The following ZNF608 variants were observed in gnomAD, a reference collection of about 807,000 sequenced individuals.
ZNF608 encodes the protein renal carcinoma antigen NY-REN-36.
In ZNF608, 12 loss-of-function variants were observed where a neutral mutation model predicts 109.0. The observed-to-expected ratio is 0.11, with a 90% CI of 0.07 to 0.18. The LOEUF (loss-of-function observed/expected upper bound fraction) is 0.18, where lower values mean the gene tolerates loss of function less well. ZNF608 is among the 10% of genes least tolerant of loss of function. The probability of loss-of-function intolerance (pLI) is 1.00; values close to 1 mark genes in which losing one functional copy is unlikely to be tolerated. For missense variants in ZNF608, 1,707 were observed against 1,879.3 expected (o/e 0.91, Z 1.70); for synonymous variants, 732 against 717.4 (o/e 1.02, Z -0.33).
rs1580732009 is a variant in ZNF608 at position 124,745,051 on chromosome 5, T to G, written c.-62A>C. The G allele has an allele frequency of 2.0e-6, 3 of 1,528,948 alleles. No individual in the cohort carries two copies. The East Asian group carries it at 6.8e-5, about 35-fold the overall frequency. The allele number at this position is 1,528,948 out of a possible 1,614,324, so 94.7% of individuals were successfully genotyped here. ...ACTTTTCTTTGGAGATGAGGGGACA[T>G]TCGTTTATCTCCGCTGGGCTTTCTC... On this transcript the variant is annotated 5_prime_UTR_variant, in exon 2 of 10. It removes an upstream start codon present in the reference 5' UTR. Coordinates refer to ENST00000513986, the MANE Select transcript of ZNF608 (RefSeq NM_020747.3).
intron 3 of ZNF608, among the ~76,000 whole-genome samples, chr5:124,676,593 C>T (rs1009061823): frequency 5.3e-5 from 8 of 152,046 alleles, no homozygotes; most frequent in African/African-American, 1.9e-4. Context: ...AAAAAATAGC[C>T]GCACACTATT....
intron 3 of ZNF608, among the ~76,000 whole-genome samples, chr5:124,661,152 G>C (rs1400567044): frequency 6.6e-6 from 1 of 152,150 alleles, no homozygotes; most frequent in Non-Finnish European, 1.5e-5. Context: ...CAATAGTAAA[G>C]GCAACTGAGA....
At chr5:124,685,123 G>A (rs576472774) in intron 3 of ZNF608, among the ~76,000 whole-genome samples, 6 of 150,762 alleles carry the variant, frequency 4.0e-5, no homozygotes, top group African/African-American at 1.5e-4. Flanking sequence ...ACATGCTTTT[G>A]AAGTCACACA....
chr5:124,706,801 A>G (rs1014664094), intron 2 of ZNF608, among the ~76,000 whole-genome samples: 1 of 152,220 alleles, frequency 6.6e-6, no homozygotes, highest in African/African-American at 2.4e-5. Context: ...GTTAATGTCA[A>G]GAACAGACGC....
At chr5:124,705,438 G>A (rs965425086) in intron 2 of ZNF608, among the ~76,000 whole-genome samples, 19 of 152,098 alleles carry the variant, frequency 1.2e-4, no homozygotes, top group Admixed American at 5.9e-4. Flanking sequence ...CCCCACAAGC[G>A]TTGCAGTGAA....
chr5:124,748,509 G>C, upstream of ZNF608: 1 of 984,248 alleles, frequency 1.0e-6, no homozygotes, highest in Non-Finnish European at 1.2e-6. Context: ...GCTATATAGA[G>C]ACACACCACG....
chr5:124,699,093 C>A (rs1004778556), intron 3 of ZNF608, among the ~76,000 whole-genome samples: 8 of 152,176 alleles, frequency 5.3e-5, no homozygotes, highest in African/African-American at 1.9e-4. Context: ...AGGGAAATTA[C>A]CCTTACACTT....
chr5:124,688,598 T>C (rs1219051209), intron 3 of ZNF608, among the ~76,000 whole-genome samples: 1 of 152,230 alleles, frequency 6.6e-6, no homozygotes, highest in African/African-American at 2.4e-5. Flanking sequence ...TAGAAATGTT[T>C]GTATACTTCA....
chr5:124,736,326 C>T (rs1161471193), intron 2 of ZNF608, among the ~76,000 whole-genome samples: 1 of 152,232 alleles, frequency 6.6e-6, no homozygotes, highest in Admixed American at 6.5e-5. Context: ...AAACCCAAGG[C>T]TTCAACCCTT....
chr5:124,647,976 G>C lies in ZNF608; in HGVS notation c.2408C>G (p.Pro803Arg). 6.2e-7 allele frequency: 1 copy of C among 1,614,184 alleles called. No homozygotes were observed. The highest frequency in any genetic ancestry group is 8.5e-7 in the Non-Finnish European group (1 of 1,180,036). Reference sequence around the variant, plus strand: ...TTTGTCTTTGAGTGACACCAGAGCTGGGTTCACGGTGATGGGCTCTCCCAT... The same window carrying C: ...TTTGTCTTTGAGTGACACCAGAGCTCGGTTCACGGTGATGGGCTCTCCCAT... ...TIMGEPITVN[P>R]ALVSLKDKKK... Residue 803 changes from proline to arginine, a missense_variant, in exon 5 of 10, where the codon CCA (proline) becomes CGA (arginine). Coordinates refer to ENST00000513986, the MANE Select transcript of ZNF608 (RefSeq NM_020747.3).
chr5:124,638,143 T>A (rs74440455), intron 9 of ZNF608, among the ~76,000 whole-genome samples: 3,692 of 151,164 alleles, frequency 0.024, 150 homozygotes, highest in African/African-American at 0.085. Flanking sequence ...AGAGAGGGGG[T>A]TTCTCCATGT....
chr5:124,721,067 TTC>T (rs1377181053), intron 2 of ZNF608, among the ~76,000 whole-genome samples: 2 of 152,198 alleles, frequency 1.3e-5, no homozygotes, highest in African/African-American at 4.8e-5. Context: ...CAGTTTGTTA[TTC>T]TGAGAGCATG....
chr5:124,686,846 G>C (rs1752431547), intron 3 of ZNF608, among the ~76,000 whole-genome samples: 1 of 152,214 alleles, frequency 6.6e-6, no homozygotes, highest in Non-Finnish European at 1.5e-5. Context: ...AGAGCTGGCA[G>C]GATCAAAACT....
At chr5:124,710,958 G>C (rs1200639567) in intron 2 of ZNF608, among the ~76,000 whole-genome samples, 1 of 152,180 alleles carries the variant, frequency 6.6e-6, no homozygotes, top group Non-Finnish European at 1.5e-5. Context: ...CTAGAGAAAG[G>C]CAAGGGTGGG....
At position 124,745,001 on chromosome 5, in the gene ZNF608, G is replaced by A. The variant is rs1352708477; in HGVS notation, c.-12C>T. 1.9e-6 allele frequency: 3 copies of A among 1,591,130 alleles called. No homozygotes were observed. The highest frequency in any genetic ancestry group is 1.7e-6 in the Non-Finnish European group (2 of 1,169,182). ...ATGTTCACTGACATCCTGAAGATGA[G>A]CTCTCTAGAATAAAAATCCGATGAA... On this transcript the variant is annotated 5_prime_UTR_variant, in exon 2 of 10. Coordinates refer to ENST00000513986, the MANE Select transcript of ZNF608 (RefSeq NM_020747.3).
At chr5:124,657,988 C>G (rs1751086653) in intron 3 of ZNF608, among the ~76,000 whole-genome samples, 1 of 152,152 alleles carries the variant, frequency 6.6e-6, no homozygotes, top group Non-Finnish European at 1.5e-5. Context: ...TTGAGGCCAG[C>G]TTTAAAATAA....
At chr5:124,722,211 T>C (rs893102150) in intron 2 of ZNF608, among the ~76,000 whole-genome samples, 2 of 152,114 alleles carry the variant, frequency 1.3e-5, no homozygotes, top group Non-Finnish European at 2.9e-5. Context: ...ATGACCTGCA[T>C]AGATCAGACC....
chr5:124,699,016 T>C (rs1226440399), intron 3 of ZNF608, among the ~76,000 whole-genome samples: 1 of 152,098 alleles, frequency 6.6e-6, no homozygotes, highest in African/African-American at 2.4e-5. Context: ...AGCTAAGAAA[T>C]GGGAAGACAG....
chr5:124,680,126 G>A (rs904216452), intron 3 of ZNF608, among the ~76,000 whole-genome samples: 15 of 151,692 alleles, frequency 9.9e-5, no homozygotes, highest in Non-Finnish European at 1.8e-4. Flanking sequence ...ACCAAGCATC[G>A]CTGAAGCCAC....
Sources: allele counts gnomAD v4.1 joint callset (sites outside exome capture counted in the v4.1 genomes callset), GRCh38; gene constraint gnomAD v4.1.1; transcripts MANE v1.5; gene names NCBI Gene and HGNC (gene_info 2026-07-23, HGNC 2026-07-21).